TNN: variants seen among roughly 807,000 people sequenced by gnomAD.
The protein encoded by TNN is tenascin N, also known as tenascin-N.
TNN carries 122 observed loss-of-function variants against 134.4 expected under a neutral mutation model. The observed-to-expected ratio is 0.91, with a 90% CI of 0.78 to 1.06. The LOEUF (loss-of-function observed/expected upper bound fraction) is 1.06. Among genes scored for constraint, TNN ranks in the 50% least tolerant of loss-of-function variants. The pLI, the probability that TNN is intolerant of heterozygous loss-of-function variation, is 0.00. For synonymous variants in TNN, 710 were observed against 670.3 expected (o/e 1.06, Z -0.91); for missense variants, 1,739 against 1,699.4 (o/e 1.02, Z -0.41).
rs772151884 is a variant in TNN, at chr1:175,079,508, C to G, written c.585C>G (p.Ala195=). Reference sequence around the variant, plus strand: ...TGTGCCATGAGCCCTACGTGGGTGCCGACTGCGGCTACCCGGCCTGCCCTG... The same window carrying G: ...TGTGCCATGAGCCCTACGTGGGTGCGGACTGCGGCTACCCGGCCTGCCCTG... ...RCLCHEPYVG[A]DCGYPACPEN... Residue 195 remains alanine (A), a synonymous_variant, in exon 3 of 19, where the codon GCC becomes GCG. Transcript: ENST00000239462. The G allele has an allele frequency of 1.3e-6, 2 of 1,561,850 alleles. No individual in the cohort carries two copies. The highest frequency in any genetic ancestry group is 2.3e-5 in the South Asian group (2 of 85,746).
intron 17 of TNN, among the ~76,000 whole-genome samples, chr1:175,142,771 C>T (rs1675970185): frequency 6.6e-6 from 1 of 152,142 alleles, no homozygotes; most frequent in Non-Finnish European, 1.5e-5. Flanking sequence ...GTGTGCACCA[C>T]CATGCCAGGC....
chr1:175,141,584 C>A (rs1477713050), intron 17 of TNN, among the ~76,000 whole-genome samples: 3 of 152,196 alleles, frequency 2.0e-5, no homozygotes, highest in East Asian at 3.8e-4. Context: ...AAATAAAAGA[C>A]ATTCAAGGTT....
chr1:175,127,636 A>G (rs192239562), intron 13 of TNN, among the ~76,000 whole-genome samples: 2 of 152,214 alleles, frequency 1.3e-5, no homozygotes, highest in African/African-American at 2.4e-5. Flanking sequence ...CTTGTCTCAG[A>G]TATCAGTGGC....
chr1:175,146,256 A>G (rs1348322583), intron 18 of TNN, among the ~76,000 whole-genome samples: 3 of 152,244 alleles, frequency 2.0e-5, no homozygotes, highest in African/African-American at 7.2e-5. Context: ...ATATTTGCTA[A>G]TAAAAGACAT....
At chr1:175,100,931 G>T (rs1050410017) in intron 9 of TNN, among the ~76,000 whole-genome samples, 1 of 152,116 alleles carries the variant, frequency 6.6e-6, no homozygotes, top group African/African-American at 2.4e-5. Flanking sequence ...TCTAATACAT[G>T]CATGCAATGT....
chr1:175,073,911 G>T (rs1673976354), intron 1 of TNN, among the ~76,000 whole-genome samples: 1 of 147,898 alleles, frequency 6.8e-6, no homozygotes, highest in South Asian at 2.1e-4. Flanking sequence ...GCTGAACGGT[G>T]GACCTGCACC....
intron 9 of TNN, among the ~76,000 whole-genome samples, chr1:175,107,532 C>T (rs558459816): frequency 4.8e-5 from 7 of 146,884 alleles, no homozygotes; most frequent in Admixed American, 6.8e-5. Flanking sequence ...CAGATCTTCG[C>T]GGTGAGTGTT....
chr1:175,144,017 G>T (rs1354732226), intron 17 of TNN, among the ~76,000 whole-genome samples: 1 of 152,200 alleles, frequency 6.6e-6, no homozygotes, highest in Non-Finnish European at 1.5e-5. Context: ...TCTGGGTGGT[G>T]TGGAGAAGGG....
At chr1:175,097,203 G>T (rs1467350429) in intron 7 of TNN, among the ~76,000 whole-genome samples, 1 of 152,124 alleles carries the variant, frequency 6.6e-6, no homozygotes, top group South Asian at 2.1e-4. Flanking sequence ...AAAGATGCTG[G>T]CTTTGTCTGA....
chr1:175,077,173 C>A (rs1674060352), intron 1 of TNN, among the ~76,000 whole-genome samples: 1 of 152,058 alleles, frequency 6.6e-6, no homozygotes, highest in African/African-American at 2.4e-5. Flanking sequence ...GCATCCTGGG[C>A]AGTGTGAACA....
intron 11 of TNN, 89 bp downstream of exon 11, chr1:175,118,913 C>A: frequency 1.3e-6 from 2 of 1,535,582 alleles, no homozygotes; most frequent in Non-Finnish European, 8.8e-7. Flanking sequence ...CTTTTGGCAT[C>A]TGTAACCTCA....
At chr1:175,099,613 GGAGGAGGAGAGGTGAGGGGT>G (rs1674667403) in intron 9 of TNN, among the ~76,000 whole-genome samples, 1 of 114,138 alleles carries the variant, frequency 8.8e-6, no homozygotes, top group Admixed American at 8.1e-5. Context: ...TGAGGGGTCA[GGAGGAGGAGAGGTGAGGGGT>G]CAGGAGGAGG....
intron 12 of TNN, among the ~76,000 whole-genome samples, chr1:175,124,653 C>T (rs2101841088): frequency 6.6e-6 from 1 of 151,862 alleles, no homozygotes; most frequent in South Asian, 2.1e-4. Context: ...TGCACTCCAG[C>T]CTGGGCAACA....
chr1:175,085,322 G>T, intron 5 of TNN, 83 bp from the exon 6 acceptor site: 1 of 874,018 alleles, frequency 1.1e-6, no homozygotes, highest in Non-Finnish European at 1.9e-6. Flanking sequence ...CTTCCCTCAC[G>T]GGAGAAATCC....
chr1:175,075,106 A>G (rs1432976675), intron 1 of TNN, among the ~76,000 whole-genome samples: 1 of 152,212 alleles, frequency 6.6e-6, no homozygotes, highest in Non-Finnish European at 1.5e-5. Context: ...TTAGCATTTC[A>G]TGCTATTGTG....
At position 175,077,654 on chromosome 1, in the gene TNN, G is replaced by C. The variant is rs1251678013; in HGVS notation, c.236G>C (p.Arg79Thr). 1.2e-6 allele frequency: 2 copies of C among 1,614,140 alleles called. No homozygotes were observed. Among genetic ancestry groups the C allele is most frequent in the Middle Eastern group, 1.6e-4 (1 of 6,062 alleles). ...GASLLALGEAREEQNIIFRHN... is the reference protein window; with the variant it reads ...GASLLALGEATEEQNIIFRHN... ...TCGCTCTTGGCCCTGGGGGAGGCCA[G>C]GGAGGAACAGAACATCATCTTCAGG... The change falls in exon 2 of 19, where the codon AGG (arginine) becomes ACG (threonine). Residue 79 changes from arginine to threonine, a missense_variant. Arg to Thr is a moderately conservative substitution (Grantham distance 71, BLOSUM62 -1). Coordinates refer to ENST00000239462, the MANE Select transcript of TNN (RefSeq NM_022093.2).
At chr1:175,131,446 C>T (rs2213875) in intron 15 of TNN, among the ~76,000 whole-genome samples, 97,146 of 151,160 alleles carry the variant, frequency 0.64, 31,858 homozygotes, top group African/African-American at 0.69. Flanking sequence ...GTTTGTTTTT[C>T]TCCCTTTGAA....
chr1:175,088,431 C>A (rs188957894), intron 6 of TNN, among the ~76,000 whole-genome samples: 1 of 152,128 alleles, frequency 6.6e-6, no homozygotes, highest in Non-Finnish European at 1.5e-5. Flanking sequence ...TAACATCACA[C>A]CTCCCCTCCT....
chr1:175,073,877 GC>G (rs1673975586), intron 1 of TNN, among the ~76,000 whole-genome samples: 1 of 152,026 alleles, frequency 6.6e-6, no homozygotes, highest in Admixed American at 6.5e-5. Context: ...TGCTGCAGTC[GC>G]CCCCTTGGGG....
Sources: gnomAD v4.1 joint callset for allele counts (sites outside exome capture counted in the v4.1 genomes callset) on GRCh38, gnomAD v4.1.1 for gene constraint, MANE v1.5 for transcripts, NCBI Gene and HGNC (gene_info 2026-07-23, HGNC 2026-07-21) for gene names.